The following TTC6 variants were observed in gnomAD, a reference collection of about 807,000 sequenced individuals.
The protein encoded by TTC6 is tetratricopeptide repeat protein 6.
TTC6 carries 172 observed loss-of-function variants against 210.4 expected under a neutral mutation model. The observed-to-expected ratio is 0.82, with a 90% CI of 0.72 to 0.93. The LOEUF (loss-of-function observed/expected upper bound fraction) is 0.93, where lower values mean the gene tolerates loss of function less well. Among genes scored for constraint, TTC6 ranks in the 40% least tolerant of loss-of-function variants. The pLI is 0.00. For synonymous variants in TTC6, 804 were observed against 819.6 expected (o/e 0.98, Z 0.32); for missense variants, 2,414 against 2,318.1 (o/e 1.04, Z -0.85).
At chr14:37,771,624 G>A (rs1047422036) in intron 14 of TTC6, among the ~76,000 whole-genome samples, 9 of 151,952 alleles carry the variant, frequency 5.9e-5, no homozygotes, top group Non-Finnish European at 1.0e-4. Context: ...CATTCTTCAC[G>A]TAGTTCTCGA....
chr14:37,668,673 A>C (rs2095752782), intron 1 of TTC6, among the ~76,000 whole-genome samples: 1 of 152,222 alleles, frequency 6.6e-6, no homozygotes, highest in Non-Finnish European at 1.5e-5. Context: ...AGAAAAATAA[A>C]CTTTGCCTCT....
At chr14:37,751,262 G>C (rs567324796) in intron 13 of TTC6, 37 bp downstream of exon 15, 1 of 1,428,232 alleles carries the variant, frequency 7.0e-7, no homozygotes, top group East Asian at 2.6e-5. Context: ...CATTTATATA[G>C]TTTAGATTGC....
At chr14:37,600,501 C>T (rs952775654) in intron 1 of TTC6, among the ~76,000 whole-genome samples, 6 of 152,202 alleles carry the variant, frequency 3.9e-5, no homozygotes, top group Admixed American at 1.3e-4. Context: ...CCCCTCCCCC[C>T]ACACACCCAG....
intron 9 of TTC6, among the ~76,000 whole-genome samples, chr14:37,738,321 T>G (rs2095907578): frequency 6.6e-6 from 1 of 151,908 alleles, no homozygotes; most frequent in Admixed American, 6.6e-5. Flanking sequence ...AATATTTGAA[T>G]GGTATTGTGT....
intron 14 of TTC6, among the ~76,000 whole-genome samples, chr14:37,779,201 G>T (rs1435662803): frequency 6.6e-6 from 1 of 152,130 alleles, no homozygotes; most frequent in East Asian, 1.9e-4. Context: ...GTAGCCCCAT[G>T]CAGGGTTCCC....
At chr14:37,816,786 C>T (rs567834872) in intron 25 of TTC6, among the ~76,000 whole-genome samples, 9 of 152,036 alleles carry the variant, frequency 5.9e-5, no homozygotes, top group Middle Eastern at 3.4e-3. Context: ...TTAAATGTAG[C>T]GATGTTCTTA....
chr14:37,761,644 A>T (rs1462843602), intron 14 of TTC6, among the ~76,000 whole-genome samples: 2 of 152,090 alleles, frequency 1.3e-5, no homozygotes, highest in African/African-American at 4.8e-5. Flanking sequence ...TGTCTATTTT[A>T]ATCACTTCCT....
chr14:37,629,515 A>G (rs777419053), intron 1 of TTC6, among the ~76,000 whole-genome samples: 5 of 152,122 alleles, frequency 3.3e-5, no homozygotes, highest in Non-Finnish European at 7.4e-5. Context: ...GGCTGAGAGG[A>G]TGGGGTTTTC....
At chr14:37,702,871 G>A (rs1351653660) in intron 5 of TTC6, among the ~76,000 whole-genome samples, 2 of 151,998 alleles carry the variant, frequency 1.3e-5, no homozygotes, top group Non-Finnish European at 2.9e-5. Flanking sequence ...ATCCCTAAAA[G>A]AAGGTCATTT....
intron 1 of TTC6, among the ~76,000 whole-genome samples, chr14:37,625,405 G>A (rs1321127055): frequency 2.6e-5 from 4 of 151,814 alleles, no homozygotes; most frequent in Non-Finnish European, 4.4e-5. Flanking sequence ...AAAATTAGCC[G>A]GGCGTGGTGG....
At chr14:37,817,754 G>A in intron 26 of TTC6, 103 bp downstream of exon 28, 1 of 1,153,878 alleles carries the variant, frequency 8.7e-7, no homozygotes, top group Non-Finnish European at 1.3e-6. Context: ...GAAACTGGGA[G>A]AAATTGTGAA....
At chr14:37,841,384 C>A in intron 29 of TTC6, 61 bp from the exon 32 acceptor site, 1 of 1,421,702 alleles carries the variant, frequency 7.0e-7, no homozygotes, top group Non-Finnish European at 9.5e-7. Context: ...AGTAAAAGTG[C>A]TTCAAATTTC....
chr14:37,657,104 C>T (rs528312768), intron 1 of TTC6, among the ~76,000 whole-genome samples: 15 of 149,982 alleles, frequency 1.0e-4, no homozygotes, highest in Non-Finnish European at 1.3e-4. Flanking sequence ...CCCAGCTACT[C>T]GGCAGGCTGA....
intron 10 of TTC6, 69 bp downstream of exon 12, chr14:37,739,224 C>A: frequency 7.5e-7 from 1 of 1,340,168 alleles, no homozygotes; most frequent in Non-Finnish European, 9.9e-7. Flanking sequence ...TTTATAATCT[C>A]ACCCCATGAA....
chr14:37,806,667 C>G (rs2096119203), intron 22 of TTC6, among the ~76,000 whole-genome samples, 157 bp downstream of exon 24: 1 of 152,104 alleles, frequency 6.6e-6, no homozygotes, highest in South Asian at 2.1e-4. Flanking sequence ...TGTATTTCTT[C>G]TTAAACTAAA....
rs2095786599 is a variant in TTC6, at chr14:37,682,739, C to T, written c.1051-19C>T. On this transcript the variant is annotated intron_variant, in intron 2 of 30. Transcript: ENST00000553443. Reference sequence around the variant, plus strand: ...CCAATAAAAAAAAAGCATTCTTGCACATTTACTTTTTCCAACAGAGCGTGC... The same window carrying T: ...CCAATAAAAAAAAAGCATTCTTGCATATTTACTTTTTCCAACAGAGCGTGC... The T allele has an allele frequency of 2.0e-6, 3 of 1,531,290 alleles. No individual in the cohort carries two copies. Among genetic ancestry groups the T allele is most frequent in the Non-Finnish European group, 1.7e-6 (2 of 1,143,574 alleles). The allele number at this position is 1,531,290 out of a possible 1,614,324, so 94.9% of individuals were successfully genotyped here.
At chr14:37,841,361 A>G in intron 29 of TTC6, 84 bp from the exon 32 acceptor site, 1 of 1,199,516 alleles carries the variant, frequency 8.3e-7, no homozygotes, top group East Asian at 2.6e-5. Flanking sequence ...ACTGGCCTTA[A>G]TTTAAAATTA....
chr14:37,717,042 T>C (rs2095853884), intron 6 of TTC6, among the ~76,000 whole-genome samples: 1 of 151,854 alleles, frequency 6.6e-6, no homozygotes, highest in Non-Finnish European at 1.5e-5. Context: ...TTGAACTGAA[T>C]GAAAATGAAA....
At chr14:37,748,877 T>C in intron 10 of TTC6, 62 bp from the exon 13 acceptor site, 5 of 1,305,168 alleles carry the variant, frequency 3.8e-6, no homozygotes, top group Non-Finnish European at 5.0e-6. Flanking sequence ...CTGAGTTGAT[T>C]TACTGATTAG....
Sources: gnomAD v4.1 joint callset for allele counts (sites outside exome capture counted in the v4.1 genomes callset) on GRCh38, gnomAD v4.1.1 for gene constraint, MANE v1.5 for transcripts, NCBI Gene and HGNC (gene_info 2026-07-23, HGNC 2026-07-21) for gene names.